MAP2: variants seen among roughly 807,000 people sequenced by gnomAD.
The protein encoded by MAP2 is microtubule associated protein 2.
A neutral mutation model predicts 137.6 loss-of-function variants in MAP2; 14 were observed. The ratio of observed to expected loss-of-function variants is 0.10; its 90% CI spans 0.07 to 0.16. The LOEUF is 0.16. Among genes scored for constraint, MAP2 ranks in the 10% least tolerant of loss-of-function variants. MAP2 has a pLI of 1.00. For missense variants in MAP2, 2,088 were observed against 2,191.5 expected (o/e 0.95, Z 0.94); for synonymous variants, 786 against 782.3 (o/e 1.00, Z -0.08).
rs1225748085 is a variant in MAP2, at chr2:209,693,719, C to T, written c.1549C>T (p.Leu517=). 3.7e-6 allele frequency: 6 copies of T among 1,613,054 alleles called. No individual in the cohort carries two copies. Among genetic ancestry groups the T allele is most frequent in the Admixed American group, 1.7e-5 (1 of 59,868 alleles). The part of the protein sequence containing the change: ...VTDSAMTSKT[L]EKAMTEPSAL... ...AGATTCAGCCATGACCTCTAAAACA[C>T]TGGAGAAAGCCATGACCGAACCATC... is the stretch of plus-strand genomic sequence containing the variant. Residue 517 remains leucine, a synonymous_variant, in exon 8 of 16, where the codon CTG becomes TTG. Transcript: ENST00000682079.
intron 1 of MAP2, among the ~76,000 whole-genome samples, chr2:209,476,265 T>C (rs553927099): frequency 6.6e-6 from 1 of 152,142 alleles, no homozygotes; most frequent in Non-Finnish European, 1.5e-5. Context: ...TATTGACCTC[T>C]GACATAAGAT....
At chr2:209,674,621 A>AGATAGATG (rs150597155) in intron 5 of MAP2, among the ~76,000 whole-genome samples, 9 of 150,594 alleles carry the variant, frequency 6.0e-5, no homozygotes, top group African/African-American at 2.2e-4. Flanking sequence ...ATATATAGAT[A>AGATAGATG]GATGGATGGA....
At chr2:209,575,662 AT>A (rs1220934352) in intron 2 of MAP2, among the ~76,000 whole-genome samples, 1 of 152,122 alleles carries the variant, frequency 6.6e-6, no homozygotes, top group Non-Finnish European at 1.5e-5. Context: ...GTGTTTAGAC[AT>A]TCCAATTCAT....
At chr2:209,649,017 T>C (rs1307292183) in intron 4 of MAP2, among the ~76,000 whole-genome samples, 1 of 152,080 alleles carries the variant, frequency 6.6e-6, no homozygotes. Flanking sequence ...AATTTGTCTT[T>C]GTCTTCACTT....
intron 5 of MAP2, among the ~76,000 whole-genome samples, chr2:209,667,785 A>G (rs182168357): frequency 3.1e-4 from 47 of 152,028 alleles, no homozygotes; most frequent in African/African-American, 1.1e-3. Context: ...TAGACCAAGT[A>G]TGTTGTATGG....
intron 1 of MAP2, among the ~76,000 whole-genome samples, chr2:209,457,389 C>G (rs1040813828): frequency 6.6e-6 from 1 of 152,210 alleles, no homozygotes. Flanking sequence ...TAGAAAATGA[C>G]TGCATACATG....
At position 209,694,356 on chromosome 2, in the gene MAP2, C is replaced by G. The variant is rs754244309; in HGVS notation, c.2186C>G (p.Ser729Cys). 1.7e-5 allele frequency: 28 copies of G among 1,614,060 alleles called. No homozygotes were observed. Among genetic ancestry groups the G allele is most frequent in the Non-Finnish European group, 2.4e-5 (28 of 1,180,000 alleles). Residue 729 changes from serine (S) to cysteine (C), a missense_variant, in exon 8 of 16, where the codon TCC (serine) becomes TGC (cysteine). This residue lies in a region of MAP2 where 500 missense variants were observed against 482.9 expected (regional missense o/e 1.04). Transcript: ENST00000682079. The stretch of plus-strand genomic sequence containing the variant: ...GGACATGATCTTTCTCCTCTGGCTT[C>G]CGATATTCTAACCAACACTAGTGGA... Reference protein sequence around the residue: ...GRGHDLSPLASDILTNTSGSM... With the variant: ...GRGHDLSPLACDILTNTSGSM...
chr2:209,629,129 G>T (rs2092717597), intron 4 of MAP2, among the ~76,000 whole-genome samples: 1 of 152,096 alleles, frequency 6.6e-6, no homozygotes, highest in Non-Finnish European at 1.5e-5. Flanking sequence ...GACAAATCAG[G>T]AACTAATTAG....
At chr2:209,728,123 A>T (rs1489838000) in intron 14 of MAP2, among the ~76,000 whole-genome samples, 1 of 152,176 alleles carries the variant, frequency 6.6e-6, no homozygotes, top group African/African-American at 2.4e-5. Flanking sequence ...AACAGAGCAG[A>T]CCTTGTCTCC....
At chr2:209,573,371 A>G (rs2074760224) in intron 2 of MAP2, among the ~76,000 whole-genome samples, 3 of 134,516 alleles carry the variant, frequency 2.2e-5, no homozygotes, top group African/African-American at 8.6e-5. Flanking sequence ...TCGGCTCACC[A>G]CAACCTCCGC....
At chr2:209,491,948 G>A (rs1485308371) in intron 1 of MAP2, among the ~76,000 whole-genome samples, 1 of 152,144 alleles carries the variant, frequency 6.6e-6, no homozygotes, top group Non-Finnish European at 1.5e-5. Context: ...CATTTTATGA[G>A]GCCAGCATCA....
intron 1 of MAP2, among the ~76,000 whole-genome samples, chr2:209,431,943 A>G (rs1694386233): frequency 6.6e-6 from 1 of 152,176 alleles, no homozygotes; most frequent in African/African-American, 2.4e-5. Flanking sequence ...CTACTGCTCC[A>G]GGGCCATTCC....
chr2:209,586,226 C>T (rs1010583344), intron 3 of MAP2, among the ~76,000 whole-genome samples: 1 of 151,986 alleles, frequency 6.6e-6, no homozygotes, highest in Non-Finnish European at 1.5e-5. Context: ...TGGAAAATCA[C>T]AAGCCAAAGG....
intron 13 of MAP2, among the ~76,000 whole-genome samples, chr2:209,722,627 A>AT (rs1439063086): frequency 6.6e-6 from 1 of 152,182 alleles, no homozygotes; most frequent in East Asian, 1.9e-4. Context: ...CTTTCTTTCC[A>AT]TGCTTATATT....
Position 209,658,920 on chromosome 2 carries a change from A to G in MAP2, c.262+5488A>G, listed in dbSNP as rs560148435. Among the ~76,000 whole-genome samples the G allele has an allele frequency of 1.1e-4, 16 of 152,336 alleles. No homozygotes were observed. In the East Asian group the frequency reaches 2.9e-3, roughly 28 times the overall value. On this transcript the variant is annotated intron_variant, in intron 5 of 15. Coordinates refer to ENST00000682079, the MANE Select transcript of MAP2 (RefSeq NM_001375505.1). ...AATGTGTGTAGAATTGCAAGCTGCCATAGTGCTCTTCAGTTTATAAAGCAC... is the reference window on the plus strand; with the variant it reads ...AATGTGTGTAGAATTGCAAGCTGCCGTAGTGCTCTTCAGTTTATAAAGCAC...
intron 2 of MAP2, among the ~76,000 whole-genome samples, chr2:209,555,157 A>T (rs1217432933): frequency 2.6e-5 from 4 of 151,930 alleles, no homozygotes; most frequent in Non-Finnish European, 5.9e-5. Context: ...CCTATCCTTC[A>T]TTTTATAATC....
chr2:209,721,906 A>G (rs1243306656), intron 13 of MAP2: 1 of 152,230 alleles, frequency 6.6e-6, no homozygotes, highest in Non-Finnish European at 1.5e-5. Context: ...TTATTATTAG[A>G]AACAGTAAGT....
intron 3 of MAP2, among the ~76,000 whole-genome samples, chr2:209,587,798 T>C (rs1197681033): frequency 1.3e-5 from 2 of 152,192 alleles, no homozygotes; most frequent in Non-Finnish European, 2.9e-5. Flanking sequence ...GCTAGTTCTC[T>C]CTCTGGACCA....
At chr2:209,509,798 G>T (rs556640828) in intron 2 of MAP2, among the ~76,000 whole-genome samples, 2 of 151,806 alleles carry the variant, frequency 1.3e-5, no homozygotes, top group African/African-American at 2.4e-5. Flanking sequence ...ACCGATAGGG[G>T]TATATAAAAT....
Sources: gnomAD v4.1 joint callset for allele counts (sites outside exome capture counted in the v4.1 genomes callset) on GRCh38, gnomAD v4.1.1 for gene constraint, gnomAD v4.1.1 regional missense constraint, MANE v1.5 for transcripts, NCBI Gene and HGNC (gene_info 2026-07-23, HGNC 2026-07-21) for gene names.